ASAP1: variants seen among roughly 807,000 people sequenced by gnomAD.
ASAP1 encodes ArfGAP with SH3 domain, ankyrin repeat and PH domain 1.
Under a neutral mutation model 145.2 loss-of-function variants are expected in ASAP1, and 43 were observed. The ratio of observed to expected loss-of-function variants is 0.30; its 90% confidence interval spans 0.23 to 0.38. The LOEUF (loss-of-function observed/expected upper bound fraction) is 0.38, where lower values mean the gene tolerates loss of function less well. Among genes scored for constraint, ASAP1 ranks in the 10% least tolerant of loss-of-function variants. The probability of loss-of-function intolerance (pLI) is 1.00; values close to 1 mark genes in which losing one functional copy is unlikely to be tolerated. For missense variants in ASAP1, 1,018 were observed against 1,355.3 expected, an observed-to-expected ratio of 0.75 and a Z score of 3.91; for synonymous variants, 546 against 515.5, an observed-to-expected ratio of 1.06 and a Z score of -0.80.
At chr8:130,268,664 C>G (rs896095243) in intron 3 of ASAP1, among the ~76,000 whole-genome samples, 4 of 152,016 alleles carry the variant, frequency 2.6e-5, no homozygotes, top group African/African-American at 7.3e-5. Context: ...AAAATAATAA[C>G]TAAAAATAGT....
chr8:130,127,774 A>G (rs909938730), intron 16 of ASAP1, among the ~76,000 whole-genome samples, 153 bp downstream of exon 16: 2 of 152,170 alleles, frequency 1.3e-5, no homozygotes, highest in African/African-American at 2.4e-5. Context: ...AAAGCAGCTC[A>G]GCGGTAGGAA....
intron 24 of ASAP1, among the ~76,000 whole-genome samples, chr8:130,098,456 GTC>G (rs1260017861): frequency 6.6e-6 from 1 of 152,098 alleles, no homozygotes; most frequent in African/African-American, 2.4e-5. Flanking sequence ...CGATTCTCCT[GTC>G]TCAGCCTCCG....
intron 2 of ASAP1, among the ~76,000 whole-genome samples, chr8:130,365,982 G>C (rs1475150328): frequency 6.6e-6 from 1 of 151,904 alleles, no homozygotes; most frequent in Middle Eastern, 3.2e-3. Context: ...AGAATTTTAA[G>C]GATAACATGC....
intron 27 of ASAP1, 147 bp downstream of exon 27, chr8:130,076,201 G>T (rs768052037): frequency 3.8e-6 from 2 of 529,354 alleles, no homozygotes; most frequent in East Asian, 3.1e-5. Context: ...GTCATTTAAT[G>T]TGTATTTACT....
At chr8:130,369,192 A>AT (rs1046291222) in intron 2 of ASAP1, among the ~76,000 whole-genome samples, 6 of 151,944 alleles carry the variant, frequency 3.9e-5, no homozygotes, top group African/African-American at 7.2e-5. Context: ...TGTTTCAGAT[A>AT]TTTTTTTTTA....
intron 1 of ASAP1, among the ~76,000 whole-genome samples, chr8:130,429,615 T>C (rs1475208964): frequency 6.6e-6 from 1 of 152,228 alleles, no homozygotes; most frequent in Non-Finnish European, 1.5e-5. Context: ...TTACCCTCTG[T>C]AGACTCTGTT....
chr8:130,432,152 AGGAGGAGG>A (rs1220437841), intron 1 of ASAP1, among the ~76,000 whole-genome samples: 3 of 100,232 alleles, frequency 3.0e-5, no homozygotes, highest in South Asian at 4.0e-4. Context: ...GAACAGAGGC[AGGAGGAGG>A]GGAGGAGGGG....
In ASAP1 at chr8:130,358,488, G is replaced by C. The variant is rs868399628; in HGVS notation, c.60-345C>G. Among the ~76,000 whole-genome samples, 111 of 148,302 alleles carry C rather than the reference G, an allele frequency of 7.5e-4. No individual in the cohort carries two copies. Among genetic ancestry groups the C allele is most frequent in the Non-Finnish European group, 9.2e-4 (61 of 66,410 alleles). ...CGGCTGCGCGCGGGGTCTTCGCGGGGGTCTGGGCTCCGGCCGGCCGCTGGG... is the reference window on the plus strand; with the variant it reads ...CGGCTGCGCGCGGGGTCTTCGCGGGCGTCTGGGCTCCGGCCGGCCGCTGGG... On this transcript the variant is annotated intron_variant, in intron 2 of 29. Coordinates refer to ENST00000518721, the MANE Select transcript of ASAP1 (RefSeq NM_018482.4). This position sits in a 1 kb window ranked among gnomAD's most constrained non-coding sequence, Gnocchi z 4.1.
intron 2 of ASAP1, among the ~76,000 whole-genome samples, chr8:130,394,308 A>G (rs999155384): frequency 1.3e-5 from 2 of 152,118 alleles, no homozygotes; most frequent in African/African-American, 4.8e-5. Context: ...AGGTCTCTGA[A>G]ATGGCCCCCT....
intron 3 of ASAP1, among the ~76,000 whole-genome samples, chr8:130,322,192 A>G (rs1226902797): frequency 6.6e-6 from 1 of 152,204 alleles, no homozygotes; most frequent in Non-Finnish European, 1.5e-5. Flanking sequence ...CTTCCAAAAG[A>G]AGGCTATGTA....
intron 1 of ASAP1, among the ~76,000 whole-genome samples, chr8:130,424,916 C>A (rs1417159047): frequency 6.6e-6 from 1 of 151,754 alleles, no homozygotes; most frequent in Non-Finnish European, 1.5e-5. Flanking sequence ...TCGCTTGAAC[C>A]CGGGAGGCAG....
intron 3 of ASAP1, among the ~76,000 whole-genome samples, chr8:130,355,043 G>T (rs963642772): frequency 6.6e-6 from 1 of 152,162 alleles, no homozygotes; most frequent in Non-Finnish European, 1.5e-5. Context: ...GCGCCATCAT[G>T]CCTGGCTAAT....
intron 1 of ASAP1, among the ~76,000 whole-genome samples, chr8:130,435,160 T>C (rs1156497821): frequency 6.6e-6 from 1 of 152,146 alleles, no homozygotes; most frequent in Non-Finnish European, 1.5e-5. Context: ...ACCATCCCCT[T>C]TACGCAGGTG....
At chr8:130,361,703 A>G in intron 2 of ASAP1, 1 of 1,535,558 alleles carries the variant, frequency 6.5e-7, no homozygotes, top group Non-Finnish European at 8.7e-7. Context: ...TAAATTTGAA[A>G]CCATGCCTCA....
chr8:130,383,712 T>C (rs896785655), intron 2 of ASAP1, among the ~76,000 whole-genome samples: 5 of 152,354 alleles, frequency 3.3e-5, no homozygotes, highest in Admixed American at 6.5e-5. Context: ...TGTTTATGTA[T>C]GTAGTATCAC....
intron 3 of ASAP1, among the ~76,000 whole-genome samples, chr8:130,355,351 G>A (rs532307869): frequency 6.6e-6 from 1 of 152,218 alleles, no homozygotes; most frequent in South Asian, 2.1e-4. Flanking sequence ...TTTCAGTTGC[G>A]CTCTATGTAT....
chr8:130,095,664 G>C (rs2097516060), intron 24 of ASAP1, among the ~76,000 whole-genome samples: 2 of 151,314 alleles, frequency 1.3e-5, no homozygotes, highest in African/African-American at 4.9e-5. Flanking sequence ...TGTCACCCAG[G>C]TTGGAGTGCA....
At chr8:130,108,282 T>C (rs1466861524) in intron 24 of ASAP1, among the ~76,000 whole-genome samples, 1 of 152,220 alleles carries the variant, frequency 6.6e-6, no homozygotes, top group Non-Finnish European at 1.5e-5. Context: ...AGAAGGGCTA[T>C]ATAATGCCTG....
At chr8:130,294,796 C>T (rs1315094764) in intron 3 of ASAP1, among the ~76,000 whole-genome samples, 1 of 152,172 alleles carries the variant, frequency 6.6e-6, no homozygotes, top group Admixed American at 6.5e-5. Context: ...AGTCCAATTA[C>T]TGAGGCAAAT....
Sources: gnomAD v4.1 joint callset for allele counts (sites outside exome capture counted in the v4.1 genomes callset) on GRCh38, gnomAD v4.1.1 for gene constraint, Gnocchi (gnomAD v3.1) non-coding constraint, MANE v1.5 for transcripts, NCBI Gene and HGNC (gene_info 2026-07-23, HGNC 2026-07-21) for gene names.